MDGA1: variants seen among roughly 807,000 people sequenced by gnomAD.
The protein encoded by MDGA1 is MAM domain-containing glycosylphosphatidylinositol anchor protein 1.
MDGA1 carries 54 observed loss-of-function variants against 101.5 expected under a neutral mutation model. The observed-to-expected ratio is 0.53, with a 90% CI of 0.43 to 0.67. The LOEUF (loss-of-function observed/expected upper bound fraction) is 0.67. Among genes scored for constraint, MDGA1 ranks in the 30% least tolerant of loss-of-function variants. MDGA1 has a pLI of 0.00. For missense variants in MDGA1, 1,083 were observed against 1,323.8 expected (o/e 0.82, Z 2.82); for synonymous variants, 533 against 558.3 (o/e 0.95, Z 0.64).
At chr6:37,657,606 G>C (rs759180750) in intron 3 of MDGA1, among the ~76,000 whole-genome samples, 31 of 152,338 alleles carry the variant, frequency 2.0e-4, no homozygotes, top group Middle Eastern at 3.4e-3. Flanking sequence ...ATAGCTAATA[G>C]GTAGGTTCAT....
Position 37,658,394 on chromosome 6 carries a change from C to G in MDGA1, c.233G>C (p.Ser78Thr), listed in dbSNP as rs1761542373. 6.2e-7 allele frequency: 1 copy of G among 1,610,858 alleles called. No individual in the cohort carries two copies. The highest frequency in any genetic ancestry group is 1.3e-5 in the African/African-American group (1 of 75,038). ...TGTCTCCTGGAACTTGTCCGAGGCGCTACCTGCCGTCTTGGTCCACCGTAC... is the reference window on the plus strand; with the variant it reads ...TGTCTCCTGGAACTTGTCCGAGGCGGTACCTGCCGTCTTGGTCCACCGTAC... The part of the protein sequence containing the change: ...PQVRWTKTAG[S>T]ASDKFQETSV... Residue 78 changes from serine to threonine, a missense_variant, in exon 3 of 17, where the codon AGC becomes ACC. Physicochemically the swap from Ser to Thr is moderately conservative, Grantham distance 58. This residue lies in a region of MDGA1 where 310 missense variants were observed against 355.9 expected (regional missense o/e 0.87). Coordinates refer to ENST00000434837, the MANE Select transcript of MDGA1 (RefSeq NM_153487.4).
intron 2 of MDGA1, among the ~76,000 whole-genome samples, chr6:37,660,041 T>G (rs1761585646): frequency 6.6e-6 from 1 of 151,592 alleles, no homozygotes; most frequent in African/African-American, 2.4e-5. Flanking sequence ...TCTCTCTTTT[T>G]TTTTTTTTAA....
chr6:37,663,997 C>T lies in MDGA1; in HGVS notation c.177G>A (p.Gln59=). The change falls in exon 2 of 17, where the codon CAG becomes CAA. Residue 59 remains glutamine (Q), a synonymous_variant. Transcript: ENST00000434837. ...TIREGDTLML[Q]CLVTGHPRPQ... ...GTCGAGGGTGCCCTGTTACAAGGCA[C>T]TGCAGCATGAGGGTGTCCCCCTCCC... 1 of 1,613,944 alleles carries T rather than the reference C, an allele frequency of 6.2e-7. No homozygotes were observed. The highest frequency in any genetic ancestry group is 8.5e-7 in the Non-Finnish European group (1 of 1,179,842).
chr6:37,692,627 C>T (rs1175376158), intron 1 of MDGA1, among the ~76,000 whole-genome samples: 1 of 152,070 alleles, frequency 6.6e-6, no homozygotes, highest in Non-Finnish European at 1.5e-5. Context: ...ATTCATTTGC[C>T]GGGCCTTGGC....
rs1393892116 is a variant in MDGA1, at chr6:37,697,748, T to TCCCCGC, written c.-943_-938dup. On this transcript the variant is annotated 5_prime_UTR_variant, in exon 1 of 17. Transcript: ENST00000434837. ...GCTACGCCGCGCCCCAAGTTGGTCG[T>TCCCCGC]CCCCGCCCCCGCCCGGCGGCCTTGG... The TCCCCGC allele has an allele frequency of 2.4e-4, 35 of 148,364 alleles. No homozygotes were observed. The highest frequency in any genetic ancestry group is 5.9e-4 in the African/African-American group (24 of 40,656). 9.2% of individuals were successfully genotyped at this position (148,364 alleles called of 1,614,324 possible).
In MDGA1 at chr6:37,638,056, C is replaced by T; in HGVS notation, c.2776+149G>A. ...ACAGCCTGAGTGAGTGTGGGGCACA[C>T]CTTCACACAGTCAGAGCCACATGAT... On this transcript the variant is annotated intron_variant, in intron 16 of 16. Coordinates refer to ENST00000434837, the MANE Select transcript of MDGA1 (RefSeq NM_153487.4). This position sits in a 1 kb window ranked among gnomAD's most constrained non-coding sequence, Gnocchi z 4.8. 1.4e-6 allele frequency: 1 copy of T among 693,702 alleles called. No individual in the cohort carries two copies. Among genetic ancestry groups the T allele is most frequent in the Non-Finnish European group, 2.6e-6 (1 of 381,346 alleles). 43.0% of individuals were successfully genotyped at this position (693,702 alleles called of 1,614,324 possible).
At chr6:37,647,135 T>C (rs1761222468) in intron 10 of MDGA1, 38 bp downstream of exon 10, 3 of 1,558,342 alleles carry the variant, frequency 1.9e-6, no homozygotes, top group Admixed American at 1.9e-5. Context: ...CACACCACAC[T>C]CCACCTGCCC....
chr6:37,659,641 A>C (rs3846877), intron 2 of MDGA1, among the ~76,000 whole-genome samples: 1 of 151,998 alleles, frequency 6.6e-6, no homozygotes, highest in Non-Finnish European at 1.5e-5. Context: ...CCTGATCCTC[A>C]TGAACAGGTC....
At position 37,658,276 on chromosome 6, in the gene MDGA1, C is replaced by T. The variant is rs1378908804; in HGVS notation, c.351G>A (p.Pro117=). 5.6e-6 allele frequency: 9 copies of T among 1,607,008 alleles called. No individual in the cohort carries two copies. The highest frequency in any genetic ancestry group is 1.7e-5 in the Admixed American group (1 of 59,436). ...YCKAENGVGV[P]AIKSIRVDVQ... is the part of the protein sequence containing the mutation. ...CGTCCACGCGGATGGACTTGATGGC[C>T]GGCACCCCCACGCCGTTCTCAGCCT... The change falls in exon 3 of 17, where the codon CCG becomes CCA. Residue 117 remains proline (P), a synonymous_variant. Transcript: ENST00000434837.
chr6:37,666,191 C>CAAAAAAAAAAAAAAA (rs146449734), intron 1 of MDGA1, among the ~76,000 whole-genome samples: 1 of 122,258 alleles, frequency 8.2e-6, no homozygotes, highest in African/African-American at 2.9e-5. Flanking sequence ...ACTAAAAATA[C>CAAAAAAAAAAAAAAA]AAAAAAAAAA....
At chr6:37,642,912 T>G (rs1223302199) in intron 14 of MDGA1, among the ~76,000 whole-genome samples, 1 of 152,240 alleles carries the variant, frequency 6.6e-6, no homozygotes, top group Non-Finnish European at 1.5e-5. Context: ...AAGTGATGGC[T>G]GACACTGGTT....
chr6:37,638,343 G>A lies in MDGA1; in HGVS notation c.2668-30C>T. 1.3e-6 allele frequency: 2 copies of A among 1,568,904 alleles called. No homozygotes were observed. Among genetic ancestry groups the A allele is most frequent in the Non-Finnish European group, 1.7e-6 (2 of 1,151,858 alleles). ...GGTGGGGTCAGAAAGCAAGGAGCAAGGGTTGAGGAGGTTCTGCTGGGTACC... is the reference window on the plus strand; with the variant it reads ...GGTGGGGTCAGAAAGCAAGGAGCAAAGGTTGAGGAGGTTCTGCTGGGTACC... On this transcript the variant is annotated intron_variant, in intron 15 of 16. Transcript: ENST00000434837. The surrounding 1 kb of genome is among the most constrained non-coding windows in gnomAD (Gnocchi z 4.8).
intron 1 of MDGA1, among the ~76,000 whole-genome samples, chr6:37,680,845 C>T (rs1423081666): frequency 6.6e-6 from 1 of 152,262 alleles, no homozygotes; most frequent in South Asian, 2.1e-4. Context: ...CTGGCGCAGG[C>T]CCCAGTGCCT....
chr6:37,651,334 TCAAA>T (rs764321851), intron 7 of MDGA1, among the ~76,000 whole-genome samples: 4 of 152,212 alleles, frequency 2.6e-5, no homozygotes, highest in South Asian at 4.1e-4. Flanking sequence ...GCACATTACA[TCAAA>T]CAAATTAAAA....
In MDGA1 at chr6:37,631,884, G is replaced by T. The variant is rs1763828796; in HGVS notation, c.*5484C>A. 1 of 152,218 alleles carries T rather than the reference G, an allele frequency of 6.6e-6. No homozygotes were observed. The highest frequency in any genetic ancestry group is 1.5e-5 in the Non-Finnish European group (1 of 68,034). The allele number at this position is 152,218 out of a possible 1,614,324, so 9.4% of individuals were successfully genotyped here. On this transcript the variant is annotated 3_prime_UTR_variant, in exon 17 of 17. Transcript: ENST00000434837. ...GTGGGGTCTGTAGGGCCAGAATAGA[G>T]ATTAAGAGGGAAGGGACTCCAAGCG...
chr6:37,683,339 A>G (rs1244999857), intron 1 of MDGA1, among the ~76,000 whole-genome samples: 1 of 152,252 alleles, frequency 6.6e-6, no homozygotes, highest in East Asian at 1.9e-4. Flanking sequence ...AGGCTTGTAC[A>G]TGCAGCCCTG....
chr6:37,662,251 A>C (rs1343275735), intron 2 of MDGA1, among the ~76,000 whole-genome samples: 1 of 151,956 alleles, frequency 6.6e-6, no homozygotes, highest in Non-Finnish European at 1.5e-5. Context: ...AAGCGACAGG[A>C]CTGATAGGCT....
chr6:37,662,961 C>G (rs1447458518), intron 2 of MDGA1, among the ~76,000 whole-genome samples: 1 of 152,208 alleles, frequency 6.6e-6, no homozygotes, highest in African/African-American at 2.4e-5. Flanking sequence ...GTTTTCCCTT[C>G]TAAAACACTC....
In MDGA1 at chr6:37,638,133, C is replaced by A; in HGVS notation, c.2776+72G>T. ...CTATTCAGACCCAAACACCCTCCCT[C>A]AACAGACAGGAACCCCCGCCACGCA... On this transcript the variant is annotated intron_variant, in intron 16 of 16. Coordinates refer to ENST00000434837, the MANE Select transcript of MDGA1 (RefSeq NM_153487.4). The surrounding 1 kb of genome is among the most constrained non-coding windows in gnomAD (Gnocchi z 4.8). The A allele has an allele frequency of 1.5e-6, 2 of 1,294,802 alleles. No individual in the cohort carries two copies. Among genetic ancestry groups the A allele is most frequent in the Non-Finnish European group, 2.2e-6 (2 of 898,730 alleles). The allele number at this position is 1,294,802 out of a possible 1,614,324, so 80.2% of individuals were successfully genotyped here.
Sources: allele counts gnomAD v4.1 joint callset (sites outside exome capture counted in the v4.1 genomes callset), GRCh38; gene constraint gnomAD v4.1.1; regional missense constraint gnomAD v4.1.1; non-coding constraint Gnocchi (gnomAD v3.1); transcripts MANE v1.5; gene names NCBI Gene and HGNC (gene_info 2026-07-23, HGNC 2026-07-21).